The following ADAMTS3 variants were observed in gnomAD, a reference collection of about 807,000 sequenced individuals.
ADAMTS3 encodes the protein A disintegrin and metalloproteinase with thrombospondin motifs 3.
ADAMTS3 carries 73 observed loss-of-function variants against 129.0 expected under a neutral mutation model. That is an observed-to-expected ratio of 0.57 (90% confidence interval 0.47 to 0.69). The LOEUF (loss-of-function observed/expected upper bound fraction) is 0.69, where lower values mean the gene tolerates loss of function less well. ADAMTS3 is among the 30% of genes least tolerant of loss of function. The pLI is 0.00. For synonymous variants in ADAMTS3, 477 were observed against 510.8 expected (o/e 0.93, Z 0.89); for missense variants, 1,457 against 1,514.5 (o/e 0.96, Z 0.63).
intron 15 of ADAMTS3, 85 bp from the exon 16 acceptor site, chr4:72,306,152 G>A (rs1719084666): frequency 2.2e-6 from 2 of 923,918 alleles, no homozygotes; most frequent in African/African-American, 3.5e-5. Flanking sequence ...CATTCTTACT[G>A]CTTCTGCGTG....
chr4:72,386,473 T>C (rs1257653009), intron 4 of ADAMTS3, among the ~76,000 whole-genome samples: 1 of 152,048 alleles, frequency 6.6e-6, no homozygotes, highest in African/African-American at 2.4e-5. Flanking sequence ...TCCTTCTCTC[T>C]CTTTTTTTTA....
At chr4:72,483,659 C>A (rs973934928) in intron 3 of ADAMTS3, among the ~76,000 whole-genome samples, 4 of 152,132 alleles carry the variant, frequency 2.6e-5, no homozygotes, top group Non-Finnish European at 5.9e-5. Context: ...AACCTAGCTG[C>A]AAAACAATAT....
In ADAMTS3 at chr4:72,539,491, GAAAA is replaced by G. The variant is rs71215438; in HGVS notation, c.504+8983_504+8986del. Among the ~76,000 whole-genome samples the G allele has an allele frequency of 8.4e-3, 729 of 86,632 alleles. 5 individuals carry two copies. Among genetic ancestry groups the G allele is most frequent in the African/African-American group, 0.03 (691 of 23,396 alleles). The allele number at this position is 86,632 out of a possible 152,430, so 56.8% of individuals were successfully genotyped here. A position where few individuals can be genotyped will look rare whatever the true frequency, so the allele number is the denominator to read the frequency against. On this transcript the variant is annotated intron_variant, in intron 3 of 21. Coordinates refer to ENST00000286657, the MANE Select transcript of ADAMTS3 (RefSeq NM_014243.3). ...CCAACCTTTAGGATGGCTACTATCA[GAAAA>G]AAAAAAAAAAAAAAAAAACAGAAAA... is the stretch of plus-strand genomic sequence containing the variant.
chr4:72,453,030 A>G (rs1342157072), intron 3 of ADAMTS3, among the ~76,000 whole-genome samples: 2 of 151,748 alleles, frequency 1.3e-5, no homozygotes, highest in African/African-American at 2.4e-5. Context: ...TTGCTATTAC[A>G]TTTGCATCTC....
intron 10 of ADAMTS3, 89 bp downstream of exon 10, chr4:72,318,483 T>C: frequency 7.3e-7 from 1 of 1,372,500 alleles, no homozygotes; most frequent in Non-Finnish European, 1.0e-6. Context: ...TTATTATACT[T>C]GCACCAGTGA....
chr4:72,286,614 T>TA (rs1219198416), intron 21 of ADAMTS3, among the ~76,000 whole-genome samples: 3 of 152,172 alleles, frequency 2.0e-5, no homozygotes, highest in African/African-American at 7.2e-5. Context: ...ATGTCTTACT[T>TA]ATGGTGTTGG....
chr4:72,319,264 C>CT (rs1393278695), intron 9 of ADAMTS3, 68 bp downstream of exon 9: 60 of 1,579,652 alleles, frequency 3.8e-5, no homozygotes, highest in Non-Finnish European at 5.0e-5. Context: ...TGATCAAGTC[C>CT]TAAGAGTCAG....
intron 3 of ADAMTS3, among the ~76,000 whole-genome samples, chr4:72,471,721 G>A (rs761113441): frequency 2.0e-5 from 3 of 151,854 alleles, no homozygotes; most frequent in Non-Finnish European, 2.9e-5. Context: ...TGAAAATATA[G>A]CTACTTTTAG....
At chr4:72,411,189 G>T (rs1464880623) in intron 4 of ADAMTS3, among the ~76,000 whole-genome samples, 1 of 152,064 alleles carries the variant, frequency 6.6e-6, no homozygotes, top group Non-Finnish European at 1.5e-5. Context: ...CTATATATGG[G>T]ATTGATTGAT....
At chr4:72,468,076 T>C (rs1009015293) in intron 3 of ADAMTS3, among the ~76,000 whole-genome samples, 4 of 152,100 alleles carry the variant, frequency 2.6e-5, no homozygotes, top group African/African-American at 9.7e-5. Flanking sequence ...TCACTAATCC[T>C]TCAGAGGTTT....
At chr4:72,411,769 C>A (rs1256963363) in intron 4 of ADAMTS3, among the ~76,000 whole-genome samples, 1 of 152,056 alleles carries the variant, frequency 6.6e-6, no homozygotes, top group Admixed American at 6.6e-5. Context: ...ATTTTATATA[C>A]CTGAATTCTG....
intron 3 of ADAMTS3, among the ~76,000 whole-genome samples, chr4:72,468,620 A>C (rs1210385749): frequency 3.3e-5 from 5 of 152,118 alleles, no homozygotes; most frequent in African/African-American, 4.8e-5. Context: ...CAAATACAAA[A>C]AGCTATCTTA....
chr4:72,413,423 T>A (rs989695157), intron 4 of ADAMTS3, among the ~76,000 whole-genome samples: 4 of 152,052 alleles, frequency 2.6e-5, no homozygotes, highest in Non-Finnish European at 5.9e-5. Flanking sequence ...TATCTTTTCC[T>A]TAACATAACC....
At chr4:72,316,695 TAATA>T (rs1255163967) in intron 10 of ADAMTS3, among the ~76,000 whole-genome samples, 6 of 89,466 alleles carry the variant, frequency 6.7e-5, no homozygotes, top group African/African-American at 1.7e-4. Flanking sequence ...TATCTCAAAA[TAATA>T]ATAATAATAA....
chr4:72,283,227 A>G lies in ADAMTS3; in HGVS notation c.3527T>C (p.Ile1176Thr), dbSNP rs762794573. 4.3e-6 allele frequency: 7 copies of G among 1,613,782 alleles called. No individual in the cohort carries two copies. Among genetic ancestry groups the G allele is most frequent in the South Asian group, 1.1e-5 (1 of 91,066 alleles). ...AASFFAASDSIGASSQARTSK... is the reference protein window; with the variant it reads ...AASFFAASDSTGASSQARTSK... ...GGTTCTTGCCTGAGAAGAAGCACCT[A>G]TTGAATCACTGGCTGCAAAGAAGGA... Residue 1176 changes from isoleucine (I) to threonine (T), a missense_variant, in exon 22 of 22, where the codon ATA becomes ACA. Ile to Thr is a moderately conservative substitution (Grantham distance 89). Coordinates refer to ENST00000286657, the MANE Select transcript of ADAMTS3 (RefSeq NM_014243.3).
At chr4:72,440,772 T>C (rs16847939) in intron 3 of ADAMTS3, among the ~76,000 whole-genome samples, 5,373 of 151,906 alleles carry the variant, frequency 0.035, 118 homozygotes, top group Non-Finnish European at 0.048. Flanking sequence ...TGCATGAATT[T>C]TGTCCATCCA....
At position 72,313,817 on chromosome 4, in the gene ADAMTS3, G is replaced by A; in HGVS notation, c.1605C>T (p.Cys535=). 6.2e-7 allele frequency: 1 copy of A among 1,613,524 alleles called. No individual in the cohort carries two copies. Among genetic ancestry groups the A allele is most frequent in the Non-Finnish European group, 8.5e-7 (1 of 1,179,694 alleles). Residue 535 remains cysteine, a synonymous_variant, in exon 12 of 22, where the codon TGC becomes TGT. Coordinates refer to ENST00000286657, the MANE Select transcript of ADAMTS3 (RefSeq NM_014243.3). The part of the protein sequence containing the change: ...DGTECAAGKW[C]YKGHCMWKNA... ...TCTTCCACATGCAATGACCCTTATA[G>A]CACCACTTAGAAAAATGACAAAAGG...
rs772534526 is a variant in ADAMTS3, at chr4:72,312,447, C to T, written c.1765G>A (p.Asp589Asn). 6.2e-7 allele frequency: 1 copy of T among 1,613,448 alleles called. No homozygotes were observed. Among genetic ancestry groups the T allele is most frequent in the South Asian group, 1.1e-5 (1 of 91,054 alleles). The change falls in exon 13 of 22, where the codon GAT becomes AAT. Residue 589 changes from aspartate to asparagine, a missense_variant. By Grantham distance (23) the Asp-to-Asn change is conservative. Coordinates refer to ENST00000286657, the MANE Select transcript of ADAMTS3 (RefSeq NM_014243.3). Reference protein sequence around the residue: ...NNPMPINGGQDCPGVNFEYQL... With the variant: ...NNPMPINGGQNCPGVNFEYQL... ...TACTCAAAATTAACACCAGGACAAT[C>T]CTGACCACCATTGATGGGCCTAAAG...
At chr4:72,499,786 C>T (rs1311090438) in intron 3 of ADAMTS3, among the ~76,000 whole-genome samples, 1 of 152,072 alleles carries the variant, frequency 6.6e-6, no homozygotes, top group Admixed American at 6.6e-5. Context: ...TAGCTCCCCA[C>T]TGTAGTGGTC....
Sources: allele counts gnomAD v4.1 joint callset (sites outside exome capture counted in the v4.1 genomes callset), GRCh38; gene constraint gnomAD v4.1.1; transcripts MANE v1.5; gene names NCBI Gene and HGNC (gene_info 2026-07-23, HGNC 2026-07-21).